SIK3: variants seen among roughly 807,000 people sequenced by gnomAD.
SIK3 encodes the protein SIK family kinase 3, also known as serine/threonine-protein kinase SIK3.
In SIK3, 28 loss-of-function variants were observed where a neutral mutation model predicts 144.2. The observed-to-expected ratio is 0.19, with a 90% CI of 0.14 to 0.27. The LOEUF (loss-of-function observed/expected upper bound fraction) is 0.27. Among genes scored for constraint, SIK3 ranks in the 10% least tolerant of loss-of-function variants. The pLI is 1.00. For synonymous variants in SIK3, 686 were observed against 676.3 expected, an observed-to-expected ratio of 1.01 and a Z score of -0.22; for missense variants, 1,319 against 1,776.0, an observed-to-expected ratio of 0.74 and a Z score of 4.62.
rs1565393211 is a variant in SIK3, at chr11:116,873,945, C to T, written c.1539G>A (p.Leu513=). 6.2e-7 allele frequency: 1 copy of T among 1,613,920 alleles called. No homozygotes were observed. Among genetic ancestry groups the T allele is most frequent in the South Asian group, 1.1e-5 (1 of 91,040 alleles). ...CGGTTGGTTGCAAGTTTTGCATAGG[C>T]AACAGGTTGTGCATGAAGTTCACAT... is the stretch of plus-strand genomic sequence containing the variant. ...APNVNFMHNL[L]PMQNLQPTGQ... is the part of the protein sequence containing the mutation. The change falls in exon 12 of 25, where the codon TTG becomes TTA. Residue 513 remains leucine (L), a synonymous_variant. Coordinates refer to ENST00000445177, the MANE Select transcript of SIK3 (RefSeq NM_001366686.3).
chr11:116,962,102 A>T (rs1294848076), intron 1 of SIK3, among the ~76,000 whole-genome samples: 3 of 152,238 alleles, frequency 2.0e-5, no homozygotes, highest in African/African-American at 7.2e-5. Flanking sequence ...ATTCACTTGC[A>T]TATTCTGACA....
At chr11:117,029,917 G>A (rs1004412485) in intron 1 of SIK3, among the ~76,000 whole-genome samples, 2 of 151,768 alleles carry the variant, frequency 1.3e-5, no homozygotes. Context: ...GTAAACTGTA[G>A]TTGAAGGCAA....
At chr11:117,077,474 C>T (rs140865154) in intron 1 of SIK3, among the ~76,000 whole-genome samples, 95 of 152,260 alleles carry the variant, frequency 6.2e-4, no homozygotes, top group African/African-American at 1.9e-3. Context: ...TGAAAGCATA[C>T]AGAAATTTGC....
chr11:116,954,554 A>G (rs1199773301), intron 2 of SIK3, among the ~76,000 whole-genome samples: 1 of 148,578 alleles, frequency 6.7e-6, no homozygotes, highest in African/African-American at 2.6e-5. Context: ...CAGAAATCAC[A>G]TATGTCTTTC....
chr11:116,905,628 T>C (rs1425972893), intron 4 of SIK3, among the ~76,000 whole-genome samples: 2 of 152,204 alleles, frequency 1.3e-5, no homozygotes, highest in Admixed American at 6.5e-5. Flanking sequence ...TCTTTATTAT[T>C]ATTACTTATT....
chr11:116,900,128 G>C (rs1945655712), intron 4 of SIK3, among the ~76,000 whole-genome samples: 1 of 152,072 alleles, frequency 6.6e-6, no homozygotes, highest in African/African-American at 2.4e-5. Flanking sequence ...CCCAATACTT[G>C]CTTGGGAAGA....
At chr11:116,944,313 T>C (rs973327207) in intron 3 of SIK3, among the ~76,000 whole-genome samples, 6 of 152,112 alleles carry the variant, frequency 3.9e-5, no homozygotes, top group Non-Finnish European at 1.5e-5. Context: ...CCAGAGAGTC[T>C]AATAACATGA....
chr11:117,056,123 G>GACC (rs1240925282), intron 1 of SIK3, among the ~76,000 whole-genome samples: 1 of 152,166 alleles, frequency 6.6e-6, no homozygotes, highest in Non-Finnish European at 1.5e-5. Context: ...AATGGAAAAG[G>GACC]ATTAGTTAAT....
chr11:117,062,573 T>G (rs966864023), intron 1 of SIK3, among the ~76,000 whole-genome samples: 3 of 152,150 alleles, frequency 2.0e-5, no homozygotes, highest in Non-Finnish European at 4.4e-5. Flanking sequence ...TGTTTAAAAG[T>G]AATTGCAAAG....
intron 1 of SIK3, among the ~76,000 whole-genome samples, chr11:117,074,742 G>T (rs1954430460): frequency 6.6e-6 from 1 of 151,826 alleles, no homozygotes; most frequent in Non-Finnish European, 1.5e-5. Flanking sequence ...AGCCAACATG[G>T]TGAAACCCTG....
At chr11:117,069,369 T>C (rs1484603828) in intron 1 of SIK3, among the ~76,000 whole-genome samples, 1 of 152,186 alleles carries the variant, frequency 6.6e-6, no homozygotes, top group Non-Finnish European at 1.5e-5. Flanking sequence ...CTCAGACACA[T>C]TCCGTCATCC....
rs994473522 is a variant in SIK3, at chr11:116,845,148, A to C, written c.*495T>G. 1.3e-5 allele frequency: 2 copies of C among 152,100 alleles called. No homozygotes were observed. Among genetic ancestry groups the C allele is most frequent in the Non-Finnish European group, 2.9e-5 (2 of 68,030 alleles). 9.4% of individuals were successfully genotyped at this position (152,100 alleles called of 1,614,324 possible). On this transcript the variant is annotated 3_prime_UTR_variant, in exon 25 of 25. Coordinates refer to ENST00000445177, the MANE Select transcript of SIK3 (RefSeq NM_001366686.3). ...ATGGCATCCTTTAGTATTTGCTTTC[A>C]CAGAAGAGCAATGCAGGGGGATGGA...
chr11:116,909,196 CAAAACAAG>C (rs1946208344), intron 4 of SIK3, among the ~76,000 whole-genome samples: 1 of 151,740 alleles, frequency 6.6e-6, no homozygotes. Flanking sequence ...ATGTATCATT[CAAAACAAG>C]CAAAACTATA....
chr11:116,851,543 A>C lies in SIK3; in HGVS notation c.3656-2260T>G, dbSNP rs148402709. Reference sequence around the variant, plus strand: ...CTGACATGCCCATTGCTAGTAATGCAAGACATTCTGGAGAAAAATTAGAGG... The same window carrying C: ...CTGACATGCCCATTGCTAGTAATGCCAGACATTCTGGAGAAAAATTAGAGG... On this transcript the variant is annotated intron_variant, in intron 21 of 24. Coordinates refer to ENST00000445177, the MANE Select transcript of SIK3 (RefSeq NM_001366686.3). 2.4e-3 allele frequency among the ~76,000 whole-genome samples: 370 copies of C among 152,318 alleles called. 3 individuals carry two copies. The highest frequency in any genetic ancestry group is 5.7e-3 in the African/African-American group (237 of 41,560).
intron 1 of SIK3, among the ~76,000 whole-genome samples, chr11:117,056,263 A>C (rs1953512703): frequency 6.6e-6 from 1 of 152,172 alleles, no homozygotes; most frequent in Non-Finnish European, 1.5e-5. Flanking sequence ...TTCTCAGCAA[A>C]CTATCGCAGG....
intron 4 of SIK3, among the ~76,000 whole-genome samples, chr11:116,905,822 A>G (rs1219172097): frequency 3.9e-5 from 6 of 152,134 alleles, no homozygotes; most frequent in African/African-American, 1.4e-4. Context: ...TCTTTTTATT[A>G]TTGAGTTGTG....
At position 116,851,790 on chromosome 11, in the gene SIK3, G is replaced by A. The variant is rs151119540; in HGVS notation, c.3656-2507C>T. Among the ~76,000 whole-genome samples the A allele has an allele frequency of 4.0e-3, 608 of 152,342 alleles. 2 individuals carry two copies. The highest frequency in any genetic ancestry group is 8.7e-3 in the Admixed American group (133 of 15,302). On this transcript the variant is annotated intron_variant, in intron 21 of 24. Transcript: ENST00000445177. ...CAATTCCTCTCAGTGGGCACTGCTC[G>A]CATGTTGGCGCCAGGGCCAACCAAA...
intron 1 of SIK3, among the ~76,000 whole-genome samples, chr11:116,965,652 G>A (rs945514171): frequency 8.1e-6 from 1 of 123,826 alleles, no homozygotes; most frequent in African/African-American, 3.1e-5. Context: ...CTAGCACTTT[G>A]GGAGGCTGAG....
intron 3 of SIK3, among the ~76,000 whole-genome samples, chr11:116,929,276 A>C (rs1947461969): frequency 6.6e-6 from 1 of 152,210 alleles, no homozygotes; most frequent in East Asian, 1.9e-4. Flanking sequence ...AGCTTTGAAG[A>C]GACAGCTATT....
Sources: gnomAD v4.1 joint callset for allele counts (sites outside exome capture counted in the v4.1 genomes callset) on GRCh38, gnomAD v4.1.1 for gene constraint, MANE v1.5 for transcripts, NCBI Gene and HGNC (gene_info 2026-07-23, HGNC 2026-07-21) for gene names.